ZFHX3: variants seen among roughly 807,000 people sequenced by gnomAD.
ZFHX3 encodes zinc finger homeobox 3, also known as zinc finger homeobox protein 3.
ZFHX3 carries 42 observed loss-of-function variants against 279.1 expected under a neutral mutation model. That is an observed-to-expected ratio of 0.15 (90% confidence interval 0.12 to 0.19). ZFHX3 has a LOEUF of 0.19. ZFHX3 is among the 10% of genes least tolerant of loss of function. The pLI is 1.00. For synonymous variants in ZFHX3, 2,293 were observed against 1,957.8 expected (o/e 1.17, Z -4.52); for missense variants, 4,981 against 4,754.0 (o/e 1.05, Z -1.40).
chr16:73,057,309 T>C (rs1202087084), intron 1 of ZFHX3, among the ~76,000 whole-genome samples: 1 of 152,212 alleles, frequency 6.6e-6, no homozygotes, highest in African/African-American at 2.4e-5. Flanking sequence ...ATATACATAT[T>C]TTAATTCAAT....
At chr16:73,863,196 A>C (rs1961926635) in intron 1 of ZFHX3, among the ~76,000 whole-genome samples, 1 of 152,146 alleles carries the variant, frequency 6.6e-6, no homozygotes, top group African/African-American at 2.4e-5. Flanking sequence ...ACAGAGCGAG[A>C]CTCCGTCTCA....
At chr16:73,716,458 C>G (rs1016933262) in intron 1 of ZFHX3, among the ~76,000 whole-genome samples, 2 of 152,164 alleles carry the variant, frequency 1.3e-5, no homozygotes, top group African/African-American at 4.8e-5. Context: ...GGGCTATTTT[C>G]CTTAATCCAC....
intron 1 of ZFHX3, among the ~76,000 whole-genome samples, chr16:73,730,474 G>T (rs1237905857): frequency 3.3e-5 from 5 of 151,866 alleles, no homozygotes; most frequent in Non-Finnish European, 7.4e-5. Context: ...CAAATCCAGT[G>T]CATTGTACAT....
chr16:73,223,394 A>G (rs969512537), intron 5 of ZFHX3, among the ~76,000 whole-genome samples: 2 of 152,192 alleles, frequency 1.3e-5, no homozygotes. Flanking sequence ...CAGTCTAATT[A>G]GAAAACGGGC....
At chr16:73,194,642 T>A (rs549821034) in intron 5 of ZFHX3, among the ~76,000 whole-genome samples, 2 of 152,246 alleles carry the variant, frequency 1.3e-5, no homozygotes, top group Non-Finnish European at 2.9e-5. Context: ...TATGATATAA[T>A]TGAACCCAAG....
intron 1 of ZFHX3, among the ~76,000 whole-genome samples, chr16:73,808,257 A>G (rs1012373212): frequency 1.3e-5 from 2 of 152,232 alleles, no homozygotes; most frequent in African/African-American, 4.8e-5. Context: ...CTTTGTGAGA[A>G]TAATTGAGAA....
chr16:72,860,062 C>T (rs2037846410), intron 4 of ZFHX3, among the ~76,000 whole-genome samples: 1 of 152,148 alleles, frequency 6.6e-6, no homozygotes, highest in African/African-American at 2.4e-5. Flanking sequence ...CAGCTCCTAG[C>T]CCAGCTGGGA....
At chr16:72,912,469 A>G (rs533815620) in intron 3 of ZFHX3, among the ~76,000 whole-genome samples, 1 of 152,304 alleles carries the variant, frequency 6.6e-6, no homozygotes, top group South Asian at 2.1e-4. Context: ...AATACATCTG[A>G]AAAGAAACTT....
At chr16:73,413,949 A>C (rs768591256) in intron 3 of ZFHX3, among the ~76,000 whole-genome samples, 1 of 152,244 alleles carries the variant, frequency 6.6e-6, no homozygotes, top group African/African-American at 2.4e-5. Flanking sequence ...TCAATATTCA[A>C]AGTTTTTATG....
chr16:73,882,460 G>GTT (rs112553133), intron 1 of ZFHX3, among the ~76,000 whole-genome samples: 6 of 150,240 alleles, frequency 4.0e-5, no homozygotes, highest in African/African-American at 1.5e-4. Context: ...AGCTTTTAAA[G>GTT]TTTTTTTTTT....
At chr16:73,819,479 C>G (rs1960673172) in intron 1 of ZFHX3, among the ~76,000 whole-genome samples, 1 of 151,990 alleles carries the variant, frequency 6.6e-6, no homozygotes. Context: ...TCAGGCCTTT[C>G]CCACCAGAAA....
At position 73,288,934 on chromosome 16, in the gene ZFHX3, G is replaced by GA. The variant is rs773717842; in HGVS notation, c.-1194+29305dup. Among the ~76,000 whole-genome samples, 28 of 148,204 alleles carry GA rather than the reference G, an allele frequency of 1.9e-4. No homozygotes were observed. The East Asian group carries it at 3.0e-3, about 16-fold the overall frequency. On this transcript the variant is annotated intron_variant, in intron 4 of 17. Transcript: ENST00000641206. Reference sequence around the variant, plus strand: ...GCAAGACTGCTATTATCTTCAAGGGGAAAAAAAACCCTCTTTGTCTCTTGT... The same window carrying GA: ...GCAAGACTGCTATTATCTTCAAGGGGAAAAAAAAACCCTCTTTGTCTCTTGT...
At chr16:73,704,037 G>A (rs187096252) in intron 1 of ZFHX3, among the ~76,000 whole-genome samples, 20 of 152,192 alleles carry the variant, frequency 1.3e-4, no homozygotes, top group Non-Finnish European at 1.6e-4. Flanking sequence ...TGTGAACTAC[G>A]TACAAATTTG....
chr16:73,173,936 A>G (rs1208555320), intron 5 of ZFHX3, among the ~76,000 whole-genome samples: 3 of 152,206 alleles, frequency 2.0e-5, no homozygotes, highest in Non-Finnish European at 4.4e-5. Flanking sequence ...GGAACCATGT[A>G]AAATAATTAA....
At chr16:73,554,939 G>GAGTT (rs1486619259) in intron 2 of ZFHX3, 1 of 152,228 alleles carries the variant, frequency 6.6e-6, no homozygotes, top group Non-Finnish European at 1.5e-5. Context: ...GTACGGGTAT[G>GAGTT]AGTTAGCTAG....
rs143003132 is a variant in ZFHX3, at chr16:73,018,439, C to G, written c.-50+29313G>C. On this transcript the variant is annotated intron_variant, in intron 1 of 9. Coordinates refer to ENST00000268489, the MANE Select transcript of ZFHX3 (RefSeq NM_006885.4). ...TGGCCAACATGGTGAAACCCCGTCT[C>G]TACTAAAACCACAAAAAATTACCTG... is the stretch of plus-strand genomic sequence containing the variant. Among the ~76,000 whole-genome samples the G allele has an allele frequency of 2.6e-3, 391 of 152,162 alleles. 2 individuals are homozygous for G. Among genetic ancestry groups the G allele is most frequent in the African/African-American group, 8.9e-3 (369 of 41,542 alleles).
chr16:73,846,805 C>A (rs1389670869), intron 1 of ZFHX3, among the ~76,000 whole-genome samples: 1 of 152,146 alleles, frequency 6.6e-6, no homozygotes, highest in African/African-American at 2.4e-5. Flanking sequence ...AAATAACAGA[C>A]AAATGTAGCC....
chr16:73,215,849 GGAGA>G (rs1187879734), intron 5 of ZFHX3, among the ~76,000 whole-genome samples: 1 of 152,104 alleles, frequency 6.6e-6, no homozygotes, highest in African/African-American at 2.4e-5. Context: ...TGGCTAATGG[GGAGA>G]GAGAGGTGTG....
intron 7 of ZFHX3, among the ~76,000 whole-genome samples, chr16:73,114,980 C>A (rs1031991020): frequency 2.0e-5 from 3 of 152,014 alleles, no homozygotes; most frequent in African/African-American, 7.3e-5. Flanking sequence ...TACCCTGGGG[C>A]CCCAGGCCCT....
Sources: allele counts gnomAD v4.1 joint callset (sites outside exome capture counted in the v4.1 genomes callset), GRCh38; gene constraint gnomAD v4.1.1; transcripts MANE v1.5; gene names NCBI Gene and HGNC (gene_info 2026-07-23, HGNC 2026-07-21).